The following RBM26 variants were observed in gnomAD, a reference collection of about 807,000 sequenced individuals.
RBM26 encodes the protein RNA-binding protein 26.
RBM26 carries 30 observed loss-of-function variants against 123.6 expected under a neutral mutation model. That is an observed-to-expected ratio of 0.24 (90% CI 0.18 to 0.33). The LOEUF (loss-of-function observed/expected upper bound fraction) is 0.33, where lower values mean the gene tolerates loss of function less well. Among genes scored for constraint, RBM26 ranks in the 10% least tolerant of loss-of-function variants. The pLI is 1.00. For missense variants in RBM26, 947 were observed against 1,203.6 expected, an observed-to-expected ratio of 0.79 and a Z score of 3.15; for synonymous variants, 400 against 404.4, an observed-to-expected ratio of 0.99 and a Z score of 0.13.
At chr13:79,404,638 C>T (rs1368904914) in intron 1 of RBM26, among the ~76,000 whole-genome samples, 2 of 152,140 alleles carry the variant, frequency 1.3e-5, no homozygotes, top group East Asian at 3.9e-4. Flanking sequence ...GCTACAGGGC[C>T]TTTCATTTGC....
chr13:79,366,116 A>C lies in RBM26; in HGVS notation c.1215T>G (p.Thr405=). ...PPNSATSSVP[T]VVTTGIHHQP... is the part of the protein sequence containing the mutation. Reference sequence around the variant, plus strand: ...GGTGATGAATGCCAGTTGTTACTACAGTAGGAACAGAACTGGTTGCAGAGT... The same window carrying C: ...GGTGATGAATGCCAGTTGTTACTACCGTAGGAACAGAACTGGTTGCAGAGT... The change falls in exon 8 of 22, where the codon ACT becomes ACG. Residue 405 remains threonine, a synonymous_variant. Transcript: ENST00000438737. 1.2e-6 allele frequency: 2 copies of C among 1,614,050 alleles called. No individual in the cohort carries two copies. The highest frequency in any genetic ancestry group is 1.7e-6 in the Non-Finnish European group (2 of 1,179,906).
intron 16 of RBM26, among the ~76,000 whole-genome samples, chr13:79,343,111 T>G (rs1429976942): frequency 6.6e-6 from 1 of 151,730 alleles, no homozygotes; most frequent in South Asian, 2.1e-4. Context: ...CAGAAGAAAC[T>G]CAATTCTATC....
intron 14 of RBM26, among the ~76,000 whole-genome samples, chr13:79,349,239 A>G (rs2072823021): frequency 6.6e-6 from 1 of 152,182 alleles, no homozygotes; most frequent in Admixed American, 6.5e-5. Flanking sequence ...AATGCAACAC[A>G]TTGTTATTAA....
chr13:79,337,268 C>T lies in RBM26; in HGVS notation c.2567G>A (p.Gly856Asp), dbSNP rs1199102365. ...TCGACCTCTTGAATGAATTCCTCTGCCCCGACCAGATGAAAGAATCCCTCG... is the reference window on the plus strand; with the variant it reads ...TCGACCTCTTGAATGAATTCCTCTGTCCCGACCAGATGAAAGAATCCCTCG... ...AKRGILSSGRGRGIHSRGRGA... is the reference protein window; with the variant it reads ...AKRGILSSGRDRGIHSRGRGA... Residue 856 changes from glycine to aspartate, a missense_variant, in exon 19 of 22, where the codon GGC (glycine) becomes GAC (aspartate). Physicochemically the swap from Gly to Asp is moderately conservative, Grantham distance 94. Coordinates refer to ENST00000438737, the MANE Select transcript of RBM26 (RefSeq NM_001366735.2). 1.2e-6 allele frequency: 2 copies of T among 1,614,136 alleles called. No individual in the cohort carries two copies. The highest frequency in any genetic ancestry group is 1.7e-5 in the Admixed American group (1 of 60,020).
chr13:79,362,896 T>C (rs2074865928), intron 9 of RBM26, among the ~76,000 whole-genome samples: 1 of 152,234 alleles, frequency 6.6e-6, no homozygotes, highest in Non-Finnish European at 1.5e-5. Context: ...TCTTGGTATA[T>C]ACTCAGCAAA....
chr13:79,365,873 T>C, intron 8 of RBM26, 155 bp from the exon 9 acceptor site: 3 of 955,408 alleles, frequency 3.1e-6, no homozygotes, highest in East Asian at 5.4e-5. Flanking sequence ...AAAAAAGTTA[T>C]TAAAAAGAAA....
chr13:79,319,873 T>C lies in RBM26; in HGVS notation c.*748A>G, dbSNP rs1410852959. 2 of 976,150 alleles carry C rather than the reference T, an allele frequency of 2.0e-6. No individual in the cohort carries two copies. The highest frequency in any genetic ancestry group is 2.4e-6 in the Non-Finnish European group (2 of 822,734). The allele number at this position is 976,150 out of a possible 1,614,324, so 60.5% of individuals were successfully genotyped here. Reference sequence around the variant, plus strand: ...TTGGGGGGAAGGGTAGATCACCATCTGGAATGGTCTATTTTAATTTTTTTC... The same window carrying C: ...TTGGGGGGAAGGGTAGATCACCATCCGGAATGGTCTATTTTAATTTTTTTC... On this transcript the variant is annotated 3_prime_UTR_variant, in exon 22 of 22. Coordinates refer to ENST00000438737, the MANE Select transcript of RBM26 (RefSeq NM_001366735.2).
chr13:79,342,837 A>AT lies in RBM26; in HGVS notation c.2260-7_2260-6insA. 6.4e-7 allele frequency: 1 copy of AT among 1,556,470 alleles called. No homozygotes were observed. Among genetic ancestry groups the AT allele is most frequent in the Non-Finnish European group, 8.8e-7 (1 of 1,142,464 alleles). On this transcript the variant is annotated splice_polypyrimidine_tract_variant and splice_region_variant and intron_variant, in intron 16 of 21. Coordinates refer to ENST00000438737, the MANE Select transcript of RBM26 (RefSeq NM_001366735.2). The stretch of plus-strand genomic sequence containing the variant: ...TCCAGTTTTGAAATTAACATCTGCC[A>AT]AATTTTTAAAAAGAGAAAAATAAAG...
chr13:79,361,070 T>C (rs780007837), intron 9 of RBM26, among the ~76,000 whole-genome samples: 14 of 152,178 alleles, frequency 9.2e-5, no homozygotes, highest in Non-Finnish European at 1.8e-4. Context: ...TTCAACTTCT[T>C]TGTTCTCTCT....
chr13:79,365,785 A>G (rs2075196892), intron 8 of RBM26, 67 bp from the exon 9 acceptor site: 12 of 1,368,008 alleles, frequency 8.8e-6, no homozygotes, highest in Non-Finnish European at 1.2e-5. Flanking sequence ...TTTAATATTG[A>G]TAAGAGAAAA....
intron 11 of RBM26, among the ~76,000 whole-genome samples, chr13:79,355,855 AAC>A (rs1287210835): frequency 9.0e-6 from 1 of 111,020 alleles, no homozygotes; most frequent in Non-Finnish European, 2.0e-5. Context: ...AAAATTTAAG[AAC>A]AAAAAAAAAG....
intron 11 of RBM26, among the ~76,000 whole-genome samples, chr13:79,356,647 A>G (rs2074049811): frequency 6.6e-6 from 1 of 152,144 alleles, no homozygotes; most frequent in Non-Finnish European, 1.5e-5. Flanking sequence ...ATAATTATAC[A>G]TTTTTTAAGA....
At chr13:79,341,315 C>T in intron 17 of RBM26, 88 bp from the exon 18 acceptor site, 1 of 718,566 alleles carries the variant, frequency 1.4e-6, no homozygotes. Context: ...TACGCAGTCC[C>T]ATTTAATCCA....
intron 20 of RBM26, among the ~76,000 whole-genome samples, chr13:79,332,093 A>G (rs764269020): frequency 2.6e-5 from 4 of 152,174 alleles, no homozygotes; most frequent in Non-Finnish European, 5.9e-5. Flanking sequence ...AATACTATGC[A>G]TCTATTGATT....
chr13:79,316,625 T>A (rs939494490), downstream of RBM26, among the ~76,000 whole-genome samples: 1 of 151,878 alleles, frequency 6.6e-6, no homozygotes, highest in Non-Finnish European at 1.5e-5. Flanking sequence ...TCCTGCAACA[T>A]GTTTTCATCA....
chr13:79,393,374 C>T (rs1391009075), intron 1 of RBM26, among the ~76,000 whole-genome samples: 2 of 152,226 alleles, frequency 1.3e-5, no homozygotes, highest in South Asian at 4.1e-4. Context: ...TACTTCCTTT[C>T]ATTCTTGCTG....
chr13:79,320,464 G>A lies in RBM26; in HGVS notation c.*157C>T. On this transcript the variant is annotated 3_prime_UTR_variant, in exon 22 of 22. Transcript: ENST00000438737. ...CAAACATCAATCTTTCAAAATACAA[G>A]ATCAGAAGGTAGTTTTCTTCTTTTT... is the stretch of plus-strand genomic sequence containing the variant. The A allele has an allele frequency of 8.0e-7, 1 of 1,253,632 alleles. No homozygotes were observed. The highest frequency in any genetic ancestry group is 1.0e-6 in the Non-Finnish European group (1 of 994,672). 77.7% of individuals were successfully genotyped at this position (1,253,632 alleles called of 1,614,324 possible).
intron 21 of RBM26, 174 bp downstream of exon 21, chr13:79,322,175 T>C: frequency 2.3e-6 from 1 of 427,252 alleles, no homozygotes; most frequent in East Asian, 3.7e-5. Flanking sequence ...GCAATCCACA[T>C]TTCTTCTCAT....
chr13:79,353,573 TC>T (rs1313549529), intron 13 of RBM26, among the ~76,000 whole-genome samples: 1 of 152,226 alleles, frequency 6.6e-6, no homozygotes, highest in Non-Finnish European at 1.5e-5. Context: ...GCCAACTTCT[TC>T]TAAAGTATGT....
Sources: allele counts gnomAD v4.1 joint callset (sites outside exome capture counted in the v4.1 genomes callset), GRCh38; gene constraint gnomAD v4.1.1; transcripts MANE v1.5; gene names NCBI Gene and HGNC (gene_info 2026-07-23, HGNC 2026-07-21).